COL22A1: variants seen among roughly 807,000 people sequenced by gnomAD.
COL22A1 encodes collagen type XXII alpha 1 chain.
COL22A1 carries 221 observed loss-of-function variants against 248.9 expected under a neutral mutation model. That is an observed-to-expected ratio of 0.89 (90% CI 0.80 to 0.99). The LOEUF is 0.99. COL22A1 is among the 50% of genes least tolerant of loss of function. The pLI is 0.00. For synonymous variants in COL22A1, 891 were observed against 793.4 expected (o/e 1.12, Z -2.07); for missense variants, 2,240 against 2,179.0 (o/e 1.03, Z -0.56).
At chr8:138,729,967 G>A (rs1830587855) in intron 23 of COL22A1, among the ~76,000 whole-genome samples, 1 of 152,200 alleles carries the variant, frequency 6.6e-6, no homozygotes, top group South Asian at 2.1e-4. Context: ...TGGTGAGGGA[G>A]GGGTAGGAGG....
intron 11 of COL22A1, among the ~76,000 whole-genome samples, chr8:138,800,190 C>A (rs1351009823): frequency 6.6e-6 from 1 of 152,190 alleles, no homozygotes; most frequent in Non-Finnish European, 1.5e-5. Flanking sequence ...TCTCAGCTTG[C>A]ATCCTTCACT....
At chr8:138,895,868 CT>C (rs1488255052) in intron 1 of COL22A1, among the ~76,000 whole-genome samples, 6 of 152,274 alleles carry the variant, frequency 3.9e-5, no homozygotes, top group African/African-American at 1.4e-4. Flanking sequence ...CATAATCAAA[CT>C]TCTGAAAACC....
chr8:138,809,528 C>CTTTTTTGTTTTTTTTTTTTTT, intron 9 of COL22A1, among the ~76,000 whole-genome samples: 1 of 117,630 alleles, frequency 8.5e-6, no homozygotes, highest in Non-Finnish European at 1.8e-5. Flanking sequence ...TTTTCTTTTT[C>CTTTTTTGTTTTTTTTTTTTTT]TTTTTTTTTT....
At chr8:138,682,370 G>A (rs1322564789) in intron 39 of COL22A1, among the ~76,000 whole-genome samples, 3 of 152,100 alleles carry the variant, frequency 2.0e-5, no homozygotes, top group Non-Finnish European at 4.4e-5. Context: ...TTTAAAAATT[G>A]TTTTCATAGA....
chr8:138,825,240 C>A (rs1267318258), intron 6 of COL22A1, among the ~76,000 whole-genome samples: 3 of 152,192 alleles, frequency 2.0e-5, no homozygotes, highest in African/African-American at 4.8e-5. Context: ...CAAAATCAAG[C>A]CTCTCAGCAG....
intron 6 of COL22A1, among the ~76,000 whole-genome samples, chr8:138,823,650 C>G (rs552437028): frequency 1.3e-5 from 2 of 152,248 alleles, no homozygotes; most frequent in Non-Finnish European, 2.9e-5. Flanking sequence ...AGGTGATTTG[C>G]CTGCCTTGGC....
At chr8:138,768,155 G>A (rs1834056346) in intron 16 of COL22A1, among the ~76,000 whole-genome samples, 1 of 152,106 alleles carries the variant, frequency 6.6e-6, no homozygotes, top group South Asian at 2.1e-4. Context: ...TTGCCAAAGT[G>A]GTCTCCCCAA....
intron 44 of COL22A1, 24 bp downstream of exon 44, chr8:138,660,412 A>G (rs762178997): frequency 3.1e-6 from 5 of 1,604,900 alleles, no homozygotes; most frequent in Non-Finnish European, 3.4e-6. Context: ...GTCAATATTC[A>G]TCCAGAACCA....
chr8:138,603,027 C>T (rs762238226), intron 59 of COL22A1, among the ~76,000 whole-genome samples: 3 of 152,238 alleles, frequency 2.0e-5, no homozygotes, highest in Non-Finnish European at 4.4e-5. Context: ...CCCGGGGGCT[C>T]TTTTCCCATC....
chr8:138,748,262 C>A (rs1459842222), intron 22 of COL22A1, among the ~76,000 whole-genome samples: 1 of 152,192 alleles, frequency 6.6e-6, no homozygotes, highest in Non-Finnish European at 1.5e-5. Context: ...CTTCCTCAGT[C>A]TCCACTGAGG....
Position 138,633,491 on chromosome 8 carries a change from C to CT in COL22A1, c.3609+1518dup, listed in dbSNP as rs1318987208. On this transcript the variant is annotated intron_variant, in intron 49 of 64. Transcript: ENST00000303045. ...TGGGAACATGTTATGGGGTTTGGAA[C>CT]TACCAGGGTGGAGTGGAGATGAGGC... is the stretch of plus-strand genomic sequence containing the variant. Among the ~76,000 whole-genome samples the CT allele has an allele frequency of 1.8e-4, 27 of 152,186 alleles. 1 individual carries two copies. Among genetic ancestry groups the CT allele is most frequent in the Admixed American group, 2.6e-4 (4 of 15,266 alleles).
At chr8:138,751,797 A>G (rs1832628898) in intron 21 of COL22A1, among the ~76,000 whole-genome samples, 1 of 152,376 alleles carries the variant, frequency 6.6e-6, no homozygotes, top group South Asian at 2.1e-4. Flanking sequence ...TGGTTTGCAC[A>G]AAGCACACAG....
intron 41 of COL22A1, among the ~76,000 whole-genome samples, chr8:138,669,048 C>T (rs1261708101): frequency 6.6e-6 from 1 of 152,162 alleles, no homozygotes; most frequent in Non-Finnish European, 1.5e-5. Flanking sequence ...AGGAATGCCC[C>T]AGGGAAGCTG....
chr8:138,894,000 G>T (rs1193487116), intron 1 of COL22A1, among the ~76,000 whole-genome samples: 1 of 152,128 alleles, frequency 6.6e-6, no homozygotes, highest in Non-Finnish European at 1.5e-5. Flanking sequence ...GCCTTCACCA[G>T]GAATAGCCCA....
In COL22A1 at chr8:138,796,806, G is replaced by T; in HGVS notation, c.1596+13C>A. The T allele has an allele frequency of 6.3e-7, 1 of 1,577,248 alleles. No homozygotes were observed. The highest frequency in any genetic ancestry group is 8.7e-7 in the Non-Finnish European group (1 of 1,146,628). On this transcript the variant is annotated intron_variant, in intron 12 of 64. Transcript: ENST00000303045. ...ATTCCCTTGGAGGAGTGTGATAAAA[G>T]GAAGATGCTTACCTTTTCACCCTTT...
At chr8:138,715,802 G>T in intron 29 of COL22A1, 67 bp from the exon 30 acceptor site, 1 of 1,147,796 alleles carries the variant, frequency 8.7e-7, no homozygotes, top group Non-Finnish European at 1.3e-6. Flanking sequence ...CCTCTTCAAG[G>T]TAAGAGCAAC....
chr8:138,631,355 G>A (rs1402082925), intron 49 of COL22A1, among the ~76,000 whole-genome samples: 1 of 152,134 alleles, frequency 6.6e-6, no homozygotes, highest in South Asian at 2.1e-4. Flanking sequence ...ATGATGTTCA[G>A]AGAATAGCAT....
At chr8:138,830,150 G>A (rs1375251427) in intron 5 of COL22A1, among the ~76,000 whole-genome samples, 6 of 152,210 alleles carry the variant, frequency 3.9e-5, no homozygotes, top group African/African-American at 1.4e-4. Context: ...GGTAAATGGT[G>A]TGTAATTAGA....
At position 138,694,497 on chromosome 8, in the gene COL22A1, G is replaced by A; in HGVS notation, c.2700+11C>T. On this transcript the variant is annotated intron_variant, in intron 34 of 64. Coordinates refer to ENST00000303045, the MANE Select transcript of COL22A1 (RefSeq NM_152888.3). ...TCTCTGAGCCAGCAGGGGAAGGGATGGTTTTCTTACCGGTGGTCCAGTGGG... is the reference window on the plus strand; with the variant it reads ...TCTCTGAGCCAGCAGGGGAAGGGATAGTTTTCTTACCGGTGGTCCAGTGGG... 1 of 1,613,678 alleles carries A rather than the reference G, an allele frequency of 6.2e-7. No homozygotes were observed. The highest frequency in any genetic ancestry group is 2.2e-5 in the East Asian group (1 of 44,854).
Sources: gnomAD v4.1 joint callset for allele counts (sites outside exome capture counted in the v4.1 genomes callset) on GRCh38, gnomAD v4.1.1 for gene constraint, MANE v1.5 for transcripts, NCBI Gene and HGNC (gene_info 2026-07-23, HGNC 2026-07-21) for gene names.